The following RNF43 variants were observed in gnomAD, a reference collection of about 807,000 sequenced individuals.
The protein encoded by RNF43 is E3 ubiquitin-protein ligase RNF43.
RNF43 carries 37 observed loss-of-function variants against 78.4 expected under a neutral mutation model. The ratio of observed to expected loss-of-function variants is 0.47; its 90% CI spans 0.36 to 0.62. RNF43 has a LOEUF of 0.62. Among genes scored for constraint, RNF43 ranks in the 20% least tolerant of loss-of-function variants. RNF43 has a pLI of 0.00. For missense variants in RNF43, 774 were observed against 1,007.9 expected (o/e 0.77, Z 3.14); for synonymous variants, 347 against 395.0 (o/e 0.88, Z 1.44).
chr17:58,405,870 G>A (rs1344133558), intron 2 of RNF43, among the ~76,000 whole-genome samples: 1 of 152,132 alleles, frequency 6.6e-6, no homozygotes, highest in East Asian at 1.9e-4. Flanking sequence ...CTCCTCAGTT[G>A]GACAAGGCTA....
chr17:58,398,489 T>C (rs1973729442), intron 2 of RNF43, among the ~76,000 whole-genome samples: 1 of 152,228 alleles, frequency 6.6e-6, no homozygotes, highest in African/African-American at 2.4e-5. Context: ...AAGTATCCTA[T>C]AGAACTTTGG....
chr17:58,359,227 G>T (rs1404760999), intron 8 of RNF43, among the ~76,000 whole-genome samples: 2 of 152,128 alleles, frequency 1.3e-5, no homozygotes, highest in African/African-American at 4.8e-5. Flanking sequence ...CAGAAAATTG[G>T]AATAATAAAC....
chr17:58,354,886 A>G lies in RNF43; in HGVS notation c.*57T>C. 1 of 1,503,690 alleles carries G rather than the reference A, an allele frequency of 6.7e-7. No individual in the cohort carries two copies. The highest frequency in any genetic ancestry group is 9.3e-7 in the Non-Finnish European group (1 of 1,079,524). The allele number at this position is 1,503,690 out of a possible 1,614,324, so 93.1% of individuals were successfully genotyped here. A position where few individuals can be genotyped will look rare whatever the true frequency, so the allele number is the denominator to read the frequency against. On this transcript the variant is annotated 3_prime_UTR_variant, in exon 10 of 10. Transcript: ENST00000407977. Reference sequence around the variant, plus strand: ...TTTCCCAGGAGCAGGACTCTGTGCCAGGTAGGGCCCAAACACATCTGGAGC... The same window carrying G: ...TTTCCCAGGAGCAGGACTCTGTGCCGGGTAGGGCCCAAACACATCTGGAGC...
chr17:58,410,031 A>T (rs1189758943), intron 2 of RNF43, among the ~76,000 whole-genome samples: 1 of 136,630 alleles, frequency 7.3e-6, no homozygotes, highest in African/African-American at 2.7e-5. Flanking sequence ...CCACCAACCG[A>T]GAGTCTGCCA....
chr17:58,357,767 T>C lies in RNF43; in HGVS notation c.2009A>G (p.Gln670Arg), dbSNP rs1972721806. ...PSEPTPGSRP[Q>R]DATVHPACQI... is the part of the protein sequence containing the mutation. ...GCAAGCTGGGTGCACAGTTGCATCC[T>C]GGGGCCGAGAGCCAGGGGTGGGCTC... Residue 670 changes from glutamine (Q) to arginine (R), a missense_variant, in exon 9 of 10, where the codon CAG becomes CGG. By Grantham distance (43) the Gln-to-Arg change is conservative. Coordinates refer to ENST00000407977, the MANE Select transcript of RNF43 (RefSeq NM_017763.6). The surrounding 1 kb of genome is among the most constrained non-coding windows in gnomAD (Gnocchi z 4.5). The C allele has an allele frequency of 1.2e-5, 19 of 1,613,702 alleles. No homozygotes were observed. Among genetic ancestry groups the C allele is most frequent in the Non-Finnish European group, 1.5e-5 (18 of 1,179,792 alleles).
At position 58,363,531 on chromosome 17, in the gene RNF43, C is replaced by T. The variant is rs1200828033; in HGVS notation, c.445G>A (p.Glu149Lys). ...FDITEDRAAA[E>K]QLQQPLGLTW... The stretch of plus-strand genomic sequence containing the variant: ...ACGCAAATGTCCCTGGGTACCTGCT[C>T]AGCAGCAGCTCGATCCTCAGTGATG... Residue 149 changes from glutamate (E) to lysine (K), a missense_variant, in exon 4 of 10, where the codon GAG (glutamate) becomes AAG (lysine). Transcript: ENST00000407977. 1 of 1,612,202 alleles carries T rather than the reference C, an allele frequency of 6.2e-7. No homozygotes were observed. Among genetic ancestry groups the T allele is most frequent in the Non-Finnish European group, 8.5e-7 (1 of 1,178,660 alleles).
chr17:58,358,239 G>A lies in RNF43; in HGVS notation c.1537C>T (p.Pro513Ser), dbSNP rs1972742487. 1.2e-6 allele frequency: 2 copies of A among 1,613,876 alleles called. No homozygotes were observed. Among genetic ancestry groups the A allele is most frequent in the African/African-American group, 1.3e-5 (1 of 74,982 alleles). Residue 513 changes from proline (P) to serine (S), a missense_variant, in exon 9 of 10, where the codon CCT becomes TCT. Transcript: ENST00000407977. This position sits in a 1 kb window ranked among gnomAD's most constrained non-coding sequence, Gnocchi z 6.2. ...TCCACTCGCTGGGGATCCCCTTTAG[G>A]GCTGCAGTACACTAGGGGGTCAAAG... ...SDFDPLVYCS[P>S]KGDPQRVDMQ...
In RNF43 at chr17:58,370,840, A is replaced by G. The variant is rs2143512142; in HGVS notation, c.375+71T>C. The G allele has an allele frequency of 4.9e-6, 7 of 1,426,448 alleles. No individual in the cohort carries two copies. In the South Asian group the frequency reaches 1.1e-4, roughly 23 times the overall value. 88.4% of individuals were successfully genotyped at this position (1,426,448 alleles called of 1,614,324 possible). A position where few individuals can be genotyped will look rare whatever the true frequency, so the allele number is the denominator to read the frequency against. The stretch of plus-strand genomic sequence containing the variant: ...CTCTTAGGAAACATGGGGACAAGAG[A>G]GCACAGGGTCTTCTCACAGCCCAGA... On this transcript the variant is annotated intron_variant, in intron 3 of 9. Transcript: ENST00000407977.
chr17:58,407,765 C>G (rs576051642), intron 2 of RNF43, among the ~76,000 whole-genome samples: 1 of 152,298 alleles, frequency 6.6e-6, no homozygotes, highest in Admixed American at 6.5e-5. Context: ...AAACTAAAGA[C>G]ACGGGAAGAA....
intron 2 of RNF43, among the ~76,000 whole-genome samples, chr17:58,407,069 ATTTTT>A (rs35270032): frequency 1.3e-5 from 1 of 74,182 alleles, no homozygotes; most frequent in Non-Finnish European, 2.4e-5. Context: ...AGAGACCAGA[ATTTTT>A]TTTTTTTTTT....
rs752845745 is a variant in RNF43 at position 58,363,327 on chromosome 17, T to C, written c.530A>G (p.Tyr177Cys). ...NDAEKLMEFVYKNQKAHVRIE... is the reference protein window; with the variant it reads ...NDAEKLMEFVCKNQKAHVRIE... Reference sequence around the variant, plus strand: ...CCTCACATGGGCCTTTTGGTTCTTGTACACAAACTCCATCAGCTTCTCAGC... The same window carrying C: ...CCTCACATGGGCCTTTTGGTTCTTGCACACAAACTCCATCAGCTTCTCAGC... The change falls in exon 5 of 10, where the codon TAC becomes TGC. Residue 177 changes from tyrosine to cysteine, a missense_variant. Physicochemically the swap from Tyr to Cys is radical, Grantham distance 194. Coordinates refer to ENST00000407977, the MANE Select transcript of RNF43 (RefSeq NM_017763.6). 6.2e-7 allele frequency: 1 copy of C among 1,614,114 alleles called. No individual in the cohort carries two copies. Among genetic ancestry groups the C allele is most frequent in the Non-Finnish European group, 8.5e-7 (1 of 1,180,018 alleles).
intron 2 of RNF43, among the ~76,000 whole-genome samples, chr17:58,385,825 G>A (rs1173944985): frequency 6.6e-6 from 1 of 152,116 alleles, no homozygotes; most frequent in Non-Finnish European, 1.5e-5. Context: ...TAAAAATGGA[G>A]GCTGGGCATG....
At chr17:58,352,545 G>T, downstream of RNF43, 1 of 223,696 alleles carries the variant, frequency 4.5e-6, no homozygotes, top group African/African-American at 2.2e-5. Context: ...ATGGTAACCC[G>T]AAGTTTGTTT....
chr17:58,358,202 C>A lies in RNF43; in HGVS notation c.1574G>T (p.Ser525Ile), dbSNP rs1329146787. ...CAAGGAACGAGGCCGAGAGGTCACA[C>A]TAGGCTGCATGTCCACTCGCTGGGG... ...GDPQRVDMQP[S>I]VTSRPRSLDS... The change falls in exon 9 of 10, where the codon AGT becomes ATT. Residue 525 changes from serine (S) to isoleucine (I), a missense_variant. Coordinates refer to ENST00000407977, the MANE Select transcript of RNF43 (RefSeq NM_017763.6). This position sits in a 1 kb window ranked among gnomAD's most constrained non-coding sequence, Gnocchi z 6.2. 6.2e-7 allele frequency: 1 copy of A among 1,613,104 alleles called. No homozygotes were observed. Among genetic ancestry groups the A allele is most frequent in the African/African-American group, 1.3e-5 (1 of 74,898 alleles).
intron 2 of RNF43, among the ~76,000 whole-genome samples, chr17:58,372,657 A>T (rs1324948252): frequency 1.3e-5 from 2 of 152,198 alleles, no homozygotes; most frequent in Non-Finnish European, 2.9e-5. Context: ...TCAAAAGACA[A>T]GCATGCAAAC....
intron 2 of RNF43, among the ~76,000 whole-genome samples, chr17:58,397,552 A>G (rs1973708706): frequency 1.3e-5 from 2 of 151,874 alleles, no homozygotes; most frequent in Non-Finnish European, 2.9e-5. Flanking sequence ...AATGCCAACT[A>G]CTCAGGAGGC....
Position 58,357,416 on chromosome 17 carries a change from T to A in RNF43, c.2308+52A>T. ...GGCTGACTTCACCTGTCCTGAAATA[T>A]TCAGCTGTAGTCTCCTCTCCCTACC... is the stretch of plus-strand genomic sequence containing the variant. On this transcript the variant is annotated intron_variant, in intron 9 of 9. Coordinates refer to ENST00000407977, the MANE Select transcript of RNF43 (RefSeq NM_017763.6). This position sits in a 1 kb window ranked among gnomAD's most constrained non-coding sequence, Gnocchi z 4.5. The A allele has an allele frequency of 6.2e-7, 1 of 1,609,372 alleles. No homozygotes were observed. Among genetic ancestry groups the A allele is most frequent in the South Asian group, 1.1e-5 (1 of 91,008 alleles).
chr17:58,398,220 A>G (rs1973724634), intron 2 of RNF43, among the ~76,000 whole-genome samples: 1 of 152,172 alleles, frequency 6.6e-6, no homozygotes, highest in Non-Finnish European at 1.5e-5. Flanking sequence ...TCCTTTCTTC[A>G]ATGTATTGGT....
At chr17:58,373,550 G>T (rs558305127) in intron 2 of RNF43, among the ~76,000 whole-genome samples, 1 of 152,274 alleles carries the variant, frequency 6.6e-6, no homozygotes, top group Admixed American at 6.5e-5. Context: ...GCACATAGTA[G>T]GTGTATATAT....
Sources: allele counts gnomAD v4.1 joint callset (sites outside exome capture counted in the v4.1 genomes callset), GRCh38; gene constraint gnomAD v4.1.1; non-coding constraint Gnocchi (gnomAD v3.1); transcripts MANE v1.5; gene names NCBI Gene and HGNC (gene_info 2026-07-23, HGNC 2026-07-21).